The following PTCD2 variants were observed in gnomAD, a reference collection of about 807,000 sequenced individuals.
PTCD2 encodes the protein pentatricopeptide repeat-containing protein 2, mitochondrial.
A neutral mutation model predicts 42.6 loss-of-function variants in PTCD2; 31 were observed. The observed-to-expected ratio is 0.73, with a 90% CI of 0.55 to 0.98. The LOEUF is 0.98. PTCD2 is among the 50% of genes least tolerant of loss of function. The pLI, the probability that PTCD2 is intolerant of heterozygous loss-of-function variation, is 0.00. For missense variants in PTCD2, 476 were observed against 454.8 expected (o/e 1.05, Z -0.42); for synonymous variants, 183 against 170.9 (o/e 1.07, Z -0.55).
rs1753059031 is a variant in PTCD2 at position 72,360,138 on chromosome 5, T to A, written c.*1711T>A. 1 of 152,106 alleles carries A rather than the reference T, an allele frequency of 6.6e-6. No homozygotes were observed. The highest frequency in any genetic ancestry group is 1.5e-5 in the Non-Finnish European group (1 of 68,022). The allele number at this position is 152,106 out of a possible 1,614,324, so 9.4% of individuals were successfully genotyped here. A position where few individuals can be genotyped will look rare whatever the true frequency, so the allele number is the denominator to read the frequency against. ...CTCTGTGAAACATTGAACAGCCCCA[T>A]TTAGAGAAACAAATTCTCTGCCCTC... is the stretch of plus-strand genomic sequence containing the variant. On this transcript the variant is annotated 3_prime_UTR_variant, in exon 10 of 10. Coordinates refer to ENST00000380639, the MANE Select transcript of PTCD2 (RefSeq NM_024754.5).
intron 7 of PTCD2, among the ~76,000 whole-genome samples, 200 bp from the exon 8 acceptor site, chr5:72,342,762 G>A (rs1283015260): frequency 1.3e-5 from 2 of 152,296 alleles, no homozygotes; most frequent in African/African-American, 2.4e-5. Context: ...ACTCAGGCAG[G>A]TTGTTAAAAC....
chr5:72,348,830 A>G (rs546248392), intron 8 of PTCD2, among the ~76,000 whole-genome samples: 11 of 152,354 alleles, frequency 7.2e-5, no homozygotes, highest in Non-Finnish European at 1.5e-4. Flanking sequence ...TGCTGCTTTT[A>G]TCATTCATTT....
intron 8 of PTCD2, among the ~76,000 whole-genome samples, chr5:72,349,749 C>T (rs1280174164): frequency 1.3e-5 from 2 of 152,118 alleles, no homozygotes; most frequent in African/African-American, 4.8e-5. Flanking sequence ...GTGCTGTACC[C>T]TACTTTCATT....
chr5:72,331,204 T>C, intron 3 of PTCD2, 54 bp from the exon 4 acceptor site: 1 of 1,134,476 alleles, frequency 8.8e-7, no homozygotes, highest in African/African-American at 1.5e-5. Context: ...AGTCTGTGTC[T>C]GTCCTTTTTC....
intron 8 of PTCD2, among the ~76,000 whole-genome samples, chr5:72,349,594 A>G (rs1332261730): frequency 6.6e-6 from 1 of 152,148 alleles, no homozygotes; most frequent in African/African-American, 2.4e-5. Context: ...AAAGGTATCT[A>G]GTAACGTATT....
chr5:72,351,107 A>G (rs192552845), intron 8 of PTCD2, among the ~76,000 whole-genome samples: 7 of 152,344 alleles, frequency 4.6e-5, no homozygotes, highest in Admixed American at 3.3e-4. Flanking sequence ...AAGTTAATAT[A>G]TTTGGAAGAT....
rs751695646 is a variant in PTCD2, at chr5:72,358,348, C to G, written c.1088C>G (p.Ser363Cys). The G allele has an allele frequency of 3.1e-6, 5 of 1,613,942 alleles. No individual in the cohort carries two copies. In the African/African-American group the frequency reaches 5.3e-5, roughly 17 times the overall value. Residue 363 changes from serine (S) to cysteine (C), a missense_variant, in exon 10 of 10, where the codon TCT becomes TGT. By Grantham distance (112) the Ser-to-Cys change is moderately radical. Transcript: ENST00000380639. ...TGCCACACCCCCAGGGACAGGAAATCTCACACGTTGCTATTAAACAAGAGG... is the reference window on the plus strand; with the variant it reads ...TGCCACACCCCCAGGGACAGGAAATGTCACACGTTGCTATTAAACAAGAGG... ...VLCHTPRDRK[S>C]HTLLLNKRMV...
rs1347089728 is a variant in PTCD2, at chr5:72,359,228, T to G, written c.*801T>G. ...TGTGGATAATAAATATTTAGTCCTA[T>G]AGTTTATCTTATTTGTTAATGATTT... On this transcript the variant is annotated 3_prime_UTR_variant, in exon 10 of 10. Transcript: ENST00000380639. The G allele has an allele frequency of 1.3e-5, 2 of 152,188 alleles. No homozygotes were observed. The highest frequency in any genetic ancestry group is 4.8e-5 in the African/African-American group (2 of 41,446). 9.4% of individuals were successfully genotyped at this position (152,188 alleles called of 1,614,324 possible). A position where few individuals can be genotyped will look rare whatever the true frequency, so the allele number is the denominator to read the frequency against.
intron 4 of PTCD2, among the ~76,000 whole-genome samples, chr5:72,333,580 G>C (rs915698031): frequency 6.6e-6 from 1 of 152,156 alleles, no homozygotes; most frequent in Admixed American, 6.5e-5. Context: ...TGAATACCAT[G>C]TGTCCCATTA....
chr5:72,345,183 T>C (rs914504667), intron 8 of PTCD2, among the ~76,000 whole-genome samples: 6 of 152,160 alleles, frequency 3.9e-5, no homozygotes, highest in African/African-American at 1.4e-4. Context: ...AGGGATGCAT[T>C]CTCTTTCTCA....
intron 9 of PTCD2, among the ~76,000 whole-genome samples, chr5:72,353,396 C>A (rs1265002322): frequency 2.0e-5 from 3 of 152,116 alleles, no homozygotes; most frequent in African/African-American, 7.2e-5. Flanking sequence ...ATCTTCTGTA[C>A]AAATGAAAAG....
intron 7 of PTCD2, among the ~76,000 whole-genome samples, chr5:72,341,157 A>C (rs1162167993): frequency 6.6e-6 from 1 of 151,804 alleles, no homozygotes; most frequent in Non-Finnish European, 1.5e-5. Context: ...TGCCCAGCTA[A>C]ATTTTTGTAT....
rs1753081644 is a variant in PTCD2, at chr5:72,360,986, C to T, written c.*2559C>T. ...ACAGGCATGAGCCACCGCACCTGGC[C>T]TACTTATCCTGTTAATGAAAATATT... On this transcript the variant is annotated 3_prime_UTR_variant, in exon 10 of 10. Transcript: ENST00000380639. 1 of 152,184 alleles carries T rather than the reference C, an allele frequency of 6.6e-6. No homozygotes were observed. The highest frequency in any genetic ancestry group is 2.1e-4 in the South Asian group (1 of 4,826). The allele number at this position is 152,184 out of a possible 1,614,324, so 9.4% of individuals were successfully genotyped here. A position where few individuals can be genotyped will look rare whatever the true frequency, so the allele number is the denominator to read the frequency against.
At position 72,361,623 on chromosome 5, in the gene PTCD2, A is replaced by G. The variant is rs1753096026; in HGVS notation, c.*3196A>G. 1.3e-5 allele frequency: 2 copies of G among 152,262 alleles called. No homozygotes were observed. Among genetic ancestry groups the G allele is most frequent in the African/African-American group, 4.8e-5 (2 of 41,468 alleles). 9.4% of individuals were successfully genotyped at this position (152,262 alleles called of 1,614,324 possible). On this transcript the variant is annotated 3_prime_UTR_variant, in exon 10 of 10. Transcript: ENST00000380639. ...ATCTCAGTGGTAGGAATTTCAAAGA[A>G]TAAATTCTGTGAAACTGTAGTAGAT...
chr5:72,320,596 C>CACA, intron 1 of PTCD2, 87 bp downstream of exon 1: 1 of 1,574,988 alleles, frequency 6.3e-7, no homozygotes, highest in Non-Finnish European at 8.6e-7. Context: ...GTGGAGCAGC[C>CACA]ACAGCTCCTA....
chr5:72,349,383 C>T (rs899382772), intron 8 of PTCD2, among the ~76,000 whole-genome samples: 4 of 152,162 alleles, frequency 2.6e-5, no homozygotes, highest in Non-Finnish European at 5.9e-5. Context: ...CTTTGAGTTT[C>T]GTACATACAT....
Position 72,358,192 on chromosome 5 carries a change from C to T in PTCD2, c.943-11C>T, listed in dbSNP as rs956054765. On this transcript the variant is annotated splice_polypyrimidine_tract_variant and intron_variant, in intron 9 of 9. Transcript: ENST00000380639. ...GCAGAGATGTAATGATGTGTTCTTG[C>T]TTTTTTCCAGCTGGCCAAAGTGAGG... is the stretch of plus-strand genomic sequence containing the variant. 1.2e-6 allele frequency: 2 copies of T among 1,610,180 alleles called. No individual in the cohort carries two copies. The highest frequency in any genetic ancestry group is 2.2e-5 in the South Asian group (2 of 90,600).
intron 8 of PTCD2, among the ~76,000 whole-genome samples, chr5:72,351,619 A>G (rs1752625312): frequency 1.3e-5 from 2 of 152,220 alleles, no homozygotes; most frequent in Admixed American, 1.3e-4. Flanking sequence ...GCGAAGGAGA[A>G]GCAAGTGTCT....
rs1239288301 is a variant in PTCD2, at chr5:72,358,292, G to C, written c.1032G>C (p.Gln344His). ...EIYGTLHITG[Q>H]VTTDSLDAVL... is the part of the protein sequence containing the mutation. The stretch of plus-strand genomic sequence containing the variant: ...ATGGGACACTGCACATCACTGGCCA[G>C]GTCACCACTGATTCTTTGGATGCTG... Residue 344 changes from glutamine to histidine, a missense_variant, in exon 10 of 10, where the codon CAG becomes CAC. By Grantham distance (24) the Gln-to-His change is conservative (BLOSUM62 0). Coordinates refer to ENST00000380639, the MANE Select transcript of PTCD2 (RefSeq NM_024754.5). The C allele has an allele frequency of 6.2e-7, 1 of 1,614,010 alleles. No homozygotes were observed. The highest frequency in any genetic ancestry group is 1.3e-5 in the African/African-American group (1 of 75,010).
Sources: allele counts gnomAD v4.1 joint callset (sites outside exome capture counted in the v4.1 genomes callset), GRCh38; gene constraint gnomAD v4.1.1; transcripts MANE v1.5; gene names NCBI Gene and HGNC (gene_info 2026-07-23, HGNC 2026-07-21).